The following FAM227B variants were observed in gnomAD, a reference collection of about 807,000 sequenced individuals.
FAM227B encodes family with sequence similarity 227 member B, also known as protein FAM227B.
Under a neutral mutation model 73.8 loss-of-function variants are expected in FAM227B, and 88 were observed. The ratio of observed to expected loss-of-function variants is 1.19; its 90% CI spans 1.00 to 1.42. The LOEUF (loss-of-function observed/expected upper bound fraction) is 1.42, where lower values mean the gene tolerates loss of function less well. Among genes scored for constraint, FAM227B ranks in the 40% most tolerant of loss-of-function variants. The pLI, the probability that FAM227B is intolerant of heterozygous loss-of-function variation, is 0.00. For synonymous variants in FAM227B, 210 were observed against 190.5 expected (o/e 1.10, Z -0.84); for missense variants, 632 against 590.9 (o/e 1.07, Z -0.72).
At chr15:49,367,228 GTTTGT>G (rs958885875) in intron 13 of FAM227B, among the ~76,000 whole-genome samples, 17 of 152,184 alleles carry the variant, frequency 1.1e-4, no homozygotes, top group African/African-American at 3.9e-4. Context: ...TTGGGTTAAT[GTTTGT>G]TTTATTTTTC....
chr15:49,453,666 G>T (rs1212946752), intron 11 of FAM227B, among the ~76,000 whole-genome samples: 1 of 152,088 alleles, frequency 6.6e-6, no homozygotes, highest in Non-Finnish European at 1.5e-5. Context: ...CTAGACTCAT[G>T]ACTTCAATTA....
chr15:49,615,257 G>A lies in FAM227B; in HGVS notation c.-72-14C>T, dbSNP rs188037267. 2.6e-5 allele frequency: 29 copies of A among 1,114,608 alleles called. No individual in the cohort carries two copies. In the African/African-American group the frequency reaches 4.3e-4, roughly 16 times the overall value. The allele number at this position is 1,114,608 out of a possible 1,614,324, so 69.0% of individuals were successfully genotyped here. ...TGGGCGACCAAACTGGGGTATGAAA[G>A]ACACCCAAATGCAAAAATAAATGAC... On this transcript the variant is annotated splice_polypyrimidine_tract_variant and intron_variant, in intron 1 of 15. Transcript: ENST00000299338.
chr15:49,526,324 G>A (rs1207843677), intron 10 of FAM227B, among the ~76,000 whole-genome samples: 1 of 151,916 alleles, frequency 6.6e-6, no homozygotes, highest in African/African-American at 2.4e-5. Flanking sequence ...ATGAAATTTG[G>A]GCAGCAATAA....
chr15:49,327,930 A>AT lies in FAM227B; in HGVS notation c.*637dup, dbSNP rs1299286662. 2 of 1,595,456 alleles carry AT rather than the reference A, an allele frequency of 1.3e-6. No homozygotes were observed. Among genetic ancestry groups the AT allele is most frequent in the Non-Finnish European group, 1.7e-6 (2 of 1,169,022 alleles). ...TGTATTTTCATTTATAGGTTCTAAT[A>AT]TTTTTTTCCTCACTGTTTTAGGAAG... On this transcript the variant is annotated 3_prime_UTR_variant, in exon 16 of 16. Coordinates refer to ENST00000299338, the MANE Select transcript of FAM227B (RefSeq NM_152647.3).
chr15:49,328,213 A>C lies in FAM227B; in HGVS notation c.*355T>G. 1 of 1,551,646 alleles carries C rather than the reference A, an allele frequency of 6.4e-7. No individual in the cohort carries two copies. Among genetic ancestry groups the C allele is most frequent in the Non-Finnish European group, 8.7e-7 (1 of 1,146,192 alleles). Reference sequence around the variant, plus strand: ...CTTAGGGCACTTAGGAATTGGCAGGACTTTCTGTGCCACAGTAAATTAATC... The same window carrying C: ...CTTAGGGCACTTAGGAATTGGCAGGCCTTTCTGTGCCACAGTAAATTAATC... On this transcript the variant is annotated 3_prime_UTR_variant, in exon 16 of 16. Transcript: ENST00000299338.
chr15:49,603,082 CCT>C (rs945086399), intron 3 of FAM227B, among the ~76,000 whole-genome samples: 1 of 139,566 alleles, frequency 7.2e-6, no homozygotes, highest in Non-Finnish European at 1.7e-5. Flanking sequence ...TAATGTGATT[CCT>C]CTTGTTTTAC....
chr15:49,490,335 C>T (rs1372593352), intron 11 of FAM227B, among the ~76,000 whole-genome samples: 1 of 151,896 alleles, frequency 6.6e-6, no homozygotes, highest in African/African-American at 2.4e-5. Context: ...CACCACAGTC[C>T]ATTCTCAAAC....
At chr15:49,330,052 T>C (rs1181742351) in intron 15 of FAM227B, 1 of 152,400 alleles carries the variant, frequency 6.6e-6, no homozygotes, top group African/African-American at 2.4e-5. Flanking sequence ...GATGCTAAAC[T>C]TACCTGGAAG....
At chr15:49,380,856 T>G (rs1323750183) in intron 11 of FAM227B, among the ~76,000 whole-genome samples, 1 of 152,196 alleles carries the variant, frequency 6.6e-6, no homozygotes, top group East Asian at 1.9e-4. Flanking sequence ...CCCCTTGTGT[T>G]AGTCCATTCT....
At chr15:49,527,549 T>G (rs1350250679) in intron 10 of FAM227B, among the ~76,000 whole-genome samples, 2 of 151,634 alleles carry the variant, frequency 1.3e-5, no homozygotes, top group East Asian at 3.9e-4. Context: ...ACACCCAAAT[T>G]GGAAAAAAGG....
At chr15:49,562,856 A>G (rs1051096400) in intron 9 of FAM227B, among the ~76,000 whole-genome samples, 91 of 152,100 alleles carry the variant, frequency 6.0e-4, no homozygotes, top group Non-Finnish European at 1.3e-4. Context: ...CCTCAAAATA[A>G]TAAGAGCCAT....
At chr15:49,340,892 G>A (rs757952040) in intron 13 of FAM227B, among the ~76,000 whole-genome samples, 1 of 152,038 alleles carries the variant, frequency 6.6e-6, no homozygotes, top group Non-Finnish European at 1.5e-5. Context: ...TTCTTATAGT[G>A]TAAAGTCTTA....
intron 10 of FAM227B, among the ~76,000 whole-genome samples, chr15:49,510,216 A>G (rs2058885359): frequency 6.6e-6 from 1 of 152,162 alleles, no homozygotes; most frequent in South Asian, 2.1e-4. Flanking sequence ...TATTCTTTAC[A>G]TAATATCAAC....
chr15:49,605,984 T>G (rs899943000), intron 3 of FAM227B, among the ~76,000 whole-genome samples: 1 of 152,136 alleles, frequency 6.6e-6, no homozygotes. Context: ...GGCAAAGTTA[T>G]GTGCTCACTT....
intron 10 of FAM227B, among the ~76,000 whole-genome samples, chr15:49,539,148 C>T (rs1273210908): frequency 6.6e-6 from 1 of 152,102 alleles, no homozygotes. Flanking sequence ...TGTAGTGTTT[C>T]TGGCTTGGTG....
chr15:49,391,060 T>C (rs2047183048), intron 11 of FAM227B, among the ~76,000 whole-genome samples: 1 of 152,144 alleles, frequency 6.6e-6, no homozygotes, highest in Non-Finnish European at 1.5e-5. Context: ...CTTTTTCATT[T>C]GTAAAAGTGA....
At chr15:49,497,800 A>G (rs535202213) in intron 11 of FAM227B, among the ~76,000 whole-genome samples, 55 of 152,194 alleles carry the variant, frequency 3.6e-4, no homozygotes, top group Non-Finnish European at 5.9e-4. Flanking sequence ...GTAATTCTCA[A>G]TGGAGGCTGT....
At chr15:49,536,868 A>G (rs1361500829) in intron 10 of FAM227B, among the ~76,000 whole-genome samples, 1 of 152,050 alleles carries the variant, frequency 6.6e-6, no homozygotes, top group Non-Finnish European at 1.5e-5. Flanking sequence ...TTCTGCATGC[A>G]AAAGGATGAA....
chr15:49,472,522 A>G (rs2054869845), intron 11 of FAM227B, among the ~76,000 whole-genome samples: 1 of 152,222 alleles, frequency 6.6e-6, no homozygotes, highest in African/African-American at 2.4e-5. Flanking sequence ...TGGGAAATGG[A>G]AAGTTTATTT....
Sources: gnomAD v4.1 joint callset for allele counts (sites outside exome capture counted in the v4.1 genomes callset) on GRCh38, gnomAD v4.1.1 for gene constraint, MANE v1.5 for transcripts, NCBI Gene and HGNC (gene_info 2026-07-23, HGNC 2026-07-21) for gene names.